The following HOXA9 variants were observed in gnomAD, a reference collection of about 807,000 sequenced individuals.
HOXA9 encodes the protein homeobox protein Hox-A9.
HOXA9 carries 18 observed loss-of-function variants against 19.0 expected under a neutral mutation model. The observed-to-expected ratio is 0.95, with a 90% confidence interval of 0.65 to 1.40. The LOEUF (loss-of-function observed/expected upper bound fraction) is 1.40. HOXA9 is among the 40% of genes most tolerant of loss of function. The pLI, the probability that HOXA9 is intolerant of heterozygous loss-of-function variation, is 0.00. For missense variants in HOXA9, 443 were observed against 372.2 expected (o/e 1.19, Z -1.57); for synonymous variants, 198 against 161.1 (o/e 1.23, Z -1.73).
intron 1 of HOXA9, among the ~76,000 whole-genome samples, chr7:27,164,492 T>C (rs1783274439): frequency 1.3e-5 from 2 of 152,252 alleles, no homozygotes. Context: ...CCGGCTGCCC[T>C]GGCTGCCGCC....
At position 27,163,572 on chromosome 7, in the gene HOXA9, T is replaced by C. The variant is rs1783248122; in HGVS notation, c.*31A>G. ...CAGTTCTTTCTTTTTCTCTCTAGCT[T>C]ACCCTTTTTTCTAAATAAGCCCAAA... is the stretch of plus-strand genomic sequence containing the variant. On this transcript the variant is annotated 3_prime_UTR_variant, in exon 2 of 2. Transcript: ENST00000343483. The C allele has an allele frequency of 2.0e-6, 3 of 1,523,534 alleles. No individual in the cohort carries two copies. The highest frequency in any genetic ancestry group is 2.7e-6 in the Non-Finnish European group (3 of 1,102,070). The allele number at this position is 1,523,534 out of a possible 1,614,324, so 94.4% of individuals were successfully genotyped here. A position where few individuals can be genotyped will look rare whatever the true frequency, so the allele number is the denominator to read the frequency against.
At position 27,165,179 on chromosome 7, in the gene HOXA9, G is replaced by A. The variant is rs766866768; in HGVS notation, c.279C>T (p.His93=). 3 of 1,595,788 alleles carry A rather than the reference G, an allele frequency of 1.9e-6. No individual in the cohort carries two copies. The East Asian group carries it at 6.7e-5, about 36-fold the overall frequency. The change falls in exon 1 of 2, where the codon CAC becomes CAT. Residue 93 remains histidine (H), a synonymous_variant. Transcript: ENST00000343483. ...CCGCCGCCGCCACGGGCGCCTGGGG[G>A]TGCACGTAGGGGTGGTGGTGATGGT... The part of the protein sequence containing the change: ...YHHHHHHPYV[H]PQAPVAAAAP...
At position 27,165,161 on chromosome 7, in the gene HOXA9, C is replaced by G. The variant is rs573758059; in HGVS notation, c.297G>C (p.Ala99=). Residue 99 remains alanine, a synonymous_variant, in exon 1 of 2, where the codon GCG becomes GCC. Coordinates refer to ENST00000343483, the MANE Select transcript of HOXA9 (RefSeq NM_152739.4). ...TGTACCTGCCGTCCGGCGCCGCCGC[C>G]GCCACGGGCGCCTGGGGGTGCACGT... ...HPYVHPQAPV[A]AAAPDGRYMR... is the part of the protein sequence containing the mutation. 2 of 1,597,146 alleles carry G rather than the reference C, an allele frequency of 1.3e-6. No homozygotes were observed. Among genetic ancestry groups the G allele is most frequent in the East Asian group, 4.5e-5 (2 of 44,594 alleles).
Position 27,165,256 on chromosome 7 carries a change from TC to T in HOXA9, c.201del (p.Trp67Ter). 1 of 1,560,738 alleles carries T rather than the reference TC, an allele frequency of 6.4e-7. No individual in the cohort carries two copies. On this transcript the variant is annotated frameshift_variant, in exon 1 of 2. Coordinates refer to ENST00000343483, the MANE Select transcript of HOXA9 (RefSeq NM_152739.4). LOFTEE classifies it high-confidence loss of function. ...QSKATVFGAS[W>X]NPVHAAGANA... Reference sequence around the variant, plus strand: ...TTGGCGCCCGCCGCGTGCACTGGGTTCCACGAGGCGCCAAACACCGTCGCCT... The same window carrying T: ...TTGGCGCCCGCCGCGTGCACTGGGTTCACGAGGCGCCAAACACCGTCGCCT...
In HOXA9 at chr7:27,164,919, G is replaced by A. The variant is rs761768279; in HGVS notation, c.539C>T (p.Ala180Val). 29 of 1,614,110 alleles carry A rather than the reference G, an allele frequency of 1.8e-5. No homozygotes were observed. The highest frequency in any genetic ancestry group is 2.2e-5 in the Non-Finnish European group (26 of 1,180,036). ...PSEGAFSENNAENESGGDKPP... is the reference protein window; with the variant it reads ...PSEGAFSENNVENESGGDKPP... ...CTTGTCTCCGCCGCTCTCATTCTCAGCATTGTTTTCAGAGAAGGCGCCTTC... is the reference window on the plus strand; with the variant it reads ...CTTGTCTCCGCCGCTCTCATTCTCAACATTGTTTTCAGAGAAGGCGCCTTC... Residue 180 changes from alanine (A) to valine (V), a missense_variant, in exon 1 of 2, where the codon GCT becomes GTT. Coordinates refer to ENST00000343483, the MANE Select transcript of HOXA9 (RefSeq NM_152739.4).
At position 27,164,902 on chromosome 7, in the gene HOXA9, C is replaced by G; in HGVS notation, c.556G>C (p.Gly186Arg). ...SENNAENESG[G>R]DKPPIDPNNP... Reference sequence around the variant, plus strand: ...CTGGGATCGATGGGGGGCTTGTCTCCGCCGCTCTCATTCTCAGCATTGTTT... The same window carrying G: ...CTGGGATCGATGGGGGGCTTGTCTCGGCCGCTCTCATTCTCAGCATTGTTT... The change falls in exon 1 of 2, where the codon GGA (glycine) becomes CGA (arginine). Residue 186 changes from glycine to arginine, a missense_variant. Physicochemically the swap from Gly to Arg is moderately radical, Grantham distance 125. Coordinates refer to ENST00000343483, the MANE Select transcript of HOXA9 (RefSeq NM_152739.4). 1 of 1,614,146 alleles carries G rather than the reference C, an allele frequency of 6.2e-7. No individual in the cohort carries two copies. The highest frequency in any genetic ancestry group is 8.5e-7 in the Non-Finnish European group (1 of 1,179,994).
rs771692391 is a variant in HOXA9, at chr7:27,163,556, C to T, written c.*47G>A. The T allele has an allele frequency of 2.1e-6, 3 of 1,450,072 alleles. No homozygotes were observed. In the South Asian group the frequency reaches 3.5e-5, roughly 17 times the overall value. The allele number at this position is 1,450,072 out of a possible 1,614,324, so 89.8% of individuals were successfully genotyped here. ...GCGGAAGGGGGACGGACAGTTCTTT[C>T]TTTTTCTCTCTAGCTTACCCTTTTT... is the stretch of plus-strand genomic sequence containing the variant. On this transcript the variant is annotated 3_prime_UTR_variant, in exon 2 of 2. Coordinates refer to ENST00000343483, the MANE Select transcript of HOXA9 (RefSeq NM_152739.4).
In HOXA9 at chr7:27,165,519, C is replaced by A; in HGVS notation, c.-62G>T. 1 of 1,475,256 alleles carries A rather than the reference C, an allele frequency of 6.8e-7. No individual in the cohort carries two copies. The allele number at this position is 1,475,256 out of a possible 1,614,324, so 91.4% of individuals were successfully genotyped here. ...ACGGAAATTATGAAACTGCAGATTT[C>A]ATGTAACAACTTGGTGGCACCGGGG... is the stretch of plus-strand genomic sequence containing the variant. On this transcript the variant is annotated 5_prime_UTR_variant, in exon 1 of 2. The change abolishes an upstream ATG in the 5' untranslated region. Transcript: ENST00000343483.
chr7:27,163,706 A>C lies in HOXA9; in HGVS notation c.716T>G (p.Val239Gly). 1 of 1,613,526 alleles carries C rather than the reference A, an allele frequency of 6.2e-7. No homozygotes were observed. The highest frequency in any genetic ancestry group is 1.1e-5 in the South Asian group (1 of 91,026). Residue 239 changes from valine (V) to glycine (G), a missense_variant, in exon 2 of 2, where the codon GTG becomes GGG. Coordinates refer to ENST00000343483, the MANE Select transcript of HOXA9 (RefSeq NM_152739.4). ...CTCGGTGAGGTTGAGCAGTCGAGCC[A>C]CCTCGTACCTGCGGTCCCTGGTGAG... ...MYLTRDRRYEVARLLNLTERQ... is the reference protein window; with the variant it reads ...MYLTRDRRYEGARLLNLTERQ...
Position 27,165,435 on chromosome 7 carries a change from C to T in HOXA9, c.23G>A (p.Gly8Asp). 2 of 1,607,556 alleles carry T rather than the reference C, an allele frequency of 1.2e-6. No homozygotes were observed. The highest frequency in any genetic ancestry group is 1.7e-6 in the Non-Finnish European group (2 of 1,178,202). The change falls in exon 1 of 2, where the codon GGC becomes GAC. Residue 8 changes from glycine to aspartate, a missense_variant. Transcript: ENST00000343483. The stretch of plus-strand genomic sequence containing the variant: ...CAGGAACGAGTCCACGTAGTAGTTG[C>T]CCAGGGCCCCAGTGGTGGCCATCAC... MATTGALGNYYVDSFLLG... is the reference protein window; with the variant it reads MATTGALDNYYVDSFLLG...
Position 27,164,911 on chromosome 7 carries a change from C to T in HOXA9, c.547G>A (p.Glu183Lys), listed in dbSNP as rs1164689536. The T allele has an allele frequency of 6.2e-7, 1 of 1,614,076 alleles. No homozygotes were observed. Among genetic ancestry groups the T allele is most frequent in the Non-Finnish European group, 8.5e-7 (1 of 1,180,028 alleles). ...ATGGGGGGCTTGTCTCCGCCGCTCT[C>T]ATTCTCAGCATTGTTTTCAGAGAAG... is the stretch of plus-strand genomic sequence containing the variant. The part of the protein sequence containing the change: ...GAFSENNAEN[E>K]SGGDKPPIDP... The change falls in exon 1 of 2, where the codon GAG (glutamate) becomes AAG (lysine). Residue 183 changes from glutamate to lysine, a missense_variant. Glu to Lys is a moderately conservative substitution (Grantham distance 56). Transcript: ENST00000343483.
rs757393231 is a variant in HOXA9, at chr7:27,163,600, G to A, written c.*3C>T. On this transcript the variant is annotated 3_prime_UTR_variant, in exon 2 of 2. Coordinates refer to ENST00000343483, the MANE Select transcript of HOXA9 (RefSeq NM_152739.4). The stretch of plus-strand genomic sequence containing the variant: ...CCTTTTTTCTAAATAAGCCCAAATG[G>A]CATCACTCGTCTTTTGCTCGGTCTT... The A allele has an allele frequency of 1.9e-6, 3 of 1,603,142 alleles. No homozygotes were observed. In the South Asian group the frequency reaches 3.3e-5, roughly 18 times the overall value.
In HOXA9 at chr7:27,164,313, G is replaced by A. The variant is rs568482094; in HGVS notation, c.581-472C>T. Reference sequence around the variant, plus strand: ...GAAGGCCTTCGGAGCTGGGCAAGCCGTCAGGGCGCCCTAAGGCCGCTGATC... The same window carrying A: ...GAAGGCCTTCGGAGCTGGGCAAGCCATCAGGGCGCCCTAAGGCCGCTGATC... On this transcript the variant is annotated intron_variant, in intron 1 of 1. Coordinates refer to ENST00000343483, the MANE Select transcript of HOXA9 (RefSeq NM_152739.4). Among the ~76,000 whole-genome samples, 121 of 152,334 alleles carry A rather than the reference G, an allele frequency of 7.9e-4. 1 individual carries two copies. Among genetic ancestry groups the A allele is most frequent in the African/African-American group, 2.8e-3 (118 of 41,580 alleles).
At chr7:27,163,942 T>G in intron 1 of HOXA9, 101 bp from the exon 2 acceptor site, 2 of 945,754 alleles carry the variant, frequency 2.1e-6, no homozygotes, top group Non-Finnish European at 3.3e-6. Flanking sequence ...TGCAGAACTC[T>G]GCTGAACTGG....
At position 27,163,817 on chromosome 7, in the gene HOXA9, T is replaced by C. The variant is rs558234369; in HGVS notation, c.605A>G (p.His202Arg). 1 of 1,614,072 alleles carries C rather than the reference T, an allele frequency of 6.2e-7. No individual in the cohort carries two copies. Residue 202 changes from histidine to arginine, a missense_variant, in exon 2 of 2, where the codon CAT becomes CGT. Physicochemically the swap from His to Arg is conservative, Grantham distance 29. Transcript: ENST00000343483. ...CCGCTTTTTCCGAGTGGAGCGCGCA[T>C]GAAGCCAGTTGGCTGCTGGGTTATC... ...DPNNPAANWL[H>R]ARSTRKKRCP...
intron 1 of HOXA9, among the ~76,000 whole-genome samples, chr7:27,164,659 C>T (rs1783278503): frequency 6.6e-6 from 1 of 152,248 alleles, no homozygotes; most frequent in Non-Finnish European, 1.5e-5. Context: ...CTCGCTGCAG[C>T]AGCCGCCTCC....
chr7:27,164,148 G>A (rs1783263670), intron 1 of HOXA9, among the ~76,000 whole-genome samples: 1 of 152,106 alleles, frequency 6.6e-6, no homozygotes. Flanking sequence ...TTTGGAAACA[G>A]GTCTCCTTGC....
rs757188294 is a variant in HOXA9, at chr7:27,165,230, G to T, written c.228C>A (p.Asn76Lys). Residue 76 changes from asparagine (N) to lysine (K), a missense_variant, in exon 1 of 2, where the codon AAC becomes AAA. Asn to Lys is a moderately conservative substitution (Grantham distance 94). Transcript: ENST00000343483. ...GGTGGTACACCGCAGCGGGTACAGCGTTGGCGCCCGCCGCGTGCACTGGGT... is the reference window on the plus strand; with the variant it reads ...GGTGGTACACCGCAGCGGGTACAGCTTTGGCGCCCGCCGCGTGCACTGGGT... ...SWNPVHAAGA[N>K]AVPAAVYHHH... is the part of the protein sequence containing the mutation. The T allele has an allele frequency of 3.8e-6, 6 of 1,569,908 alleles. No individual in the cohort carries two copies. The Admixed American group carries it at 5.5e-5, about 14-fold the overall frequency.
rs1450097837 is a variant in HOXA9 at position 27,165,428 on chromosome 7, G to T, written c.30C>A (p.Tyr10Ter). MATTGALGN[Y>*]YVDSFLLGAD... ...CGCCCAGCAGGAACGAGTCCACGTA[G>T]TAGTTGCCCAGGGCCCCAGTGGTGG... Residue 10 changes from tyrosine (Y) to a stop codon, truncating the protein, a stop_gained, in exon 1 of 2, where the codon TAC (tyrosine) becomes TAA (stop). Coordinates refer to ENST00000343483, the MANE Select transcript of HOXA9 (RefSeq NM_152739.4). LOFTEE classifies it high-confidence loss of function. The T allele has an allele frequency of 6.2e-7, 1 of 1,609,276 alleles. No homozygotes were observed. The highest frequency in any genetic ancestry group is 8.5e-7 in the Non-Finnish European group (1 of 1,178,842).
Sources: gnomAD v4.1 joint callset for allele counts (sites outside exome capture counted in the v4.1 genomes callset) on GRCh38, gnomAD v4.1.1 for gene constraint, MANE v1.5 for transcripts, NCBI Gene and HGNC (gene_info 2026-07-23, HGNC 2026-07-21) for gene names.